The following KDM4C variants were observed in gnomAD, a reference collection of about 807,000 sequenced individuals.
KDM4C encodes lysine-specific demethylase 4C.
KDM4C carries 81 observed loss-of-function variants against 129.3 expected under a neutral mutation model. The ratio of observed to expected loss-of-function variants is 0.63; its 90% confidence interval spans 0.52 to 0.75. The LOEUF is 0.75. Ranked by LOEUF, KDM4C falls within the 30% of genes least tolerant of loss-of-function variation. The pLI, the probability that KDM4C is intolerant of heterozygous loss-of-function variation, is 0.00. For synonymous variants in KDM4C, 573 were observed against 456.1 expected, an observed-to-expected ratio of 1.26 and a Z score of -3.26; for missense variants, 1,457 against 1,304.0, an observed-to-expected ratio of 1.12 and a Z score of -1.81.
chr9:6,757,269 G>A (rs964204510), upstream of KDM4C, among the ~76,000 whole-genome samples: 5 of 152,156 alleles, frequency 3.3e-5, no homozygotes, highest in African/African-American at 1.2e-4. Context: ...TAGTTTCTGA[G>A]GGACCGCCAG....
At chr9:6,908,530 C>T (rs918629977) in intron 8 of KDM4C, among the ~76,000 whole-genome samples, 1 of 152,098 alleles carries the variant, frequency 6.6e-6, no homozygotes, top group Non-Finnish European at 1.5e-5. Context: ...AAGGACCCCA[C>T]CTGGCCCAAC....
chr9:6,854,551 A>AAAAAG, intron 5 of KDM4C, among the ~76,000 whole-genome samples: 1 of 149,516 alleles, frequency 6.7e-6, no homozygotes, highest in South Asian at 2.1e-4. Flanking sequence ...AAAAACAAAA[A>AAAAAG]AAAAACTAAC....
upstream of KDM4C, among the ~76,000 whole-genome samples, chr9:6,757,072 C>G (rs188007553): frequency 6.6e-6 from 1 of 152,168 alleles, no homozygotes; most frequent in African/African-American, 2.4e-5. Flanking sequence ...TGCAAAACAT[C>G]TGATGCTCAA....
At chr9:6,801,249 T>C (rs1033212376) in intron 2 of KDM4C, among the ~76,000 whole-genome samples, 10 of 120,988 alleles carry the variant, frequency 8.3e-5, no homozygotes, top group Non-Finnish European at 1.4e-4. Flanking sequence ...ATTTTTTTTT[T>C]TTTTTTTTTT....
At chr9:7,004,194 A>T (rs1305705919) in intron 12 of KDM4C, among the ~76,000 whole-genome samples, 3 of 152,232 alleles carry the variant, frequency 2.0e-5, no homozygotes, top group Admixed American at 2.0e-4. Flanking sequence ...AATGGCCTGA[A>T]TAATTTTCCT....
intron 5 of KDM4C, among the ~76,000 whole-genome samples, chr9:6,861,010 G>T (rs769946529): frequency 1.3e-5 from 2 of 152,140 alleles, no homozygotes; most frequent in Admixed American, 1.3e-4. Flanking sequence ...TTAAGTTATT[G>T]TAAAAGCATT....
chr9:7,037,360 T>G (rs1270704653), intron 15 of KDM4C, among the ~76,000 whole-genome samples: 1 of 152,190 alleles, frequency 6.6e-6, no homozygotes, highest in African/African-American at 2.4e-5. Flanking sequence ...TTTCTTTAAC[T>G]GATGTTTTAT....
chr9:7,094,786 A>G (rs1050411816), intron 17 of KDM4C, among the ~76,000 whole-genome samples: 1 of 152,178 alleles, frequency 6.6e-6, no homozygotes, highest in Non-Finnish European at 1.5e-5. Flanking sequence ...GTGTGTGGGT[A>G]TTTCAACTCA....
chr9:6,871,420 A>G (rs2130659631), intron 5 of KDM4C, among the ~76,000 whole-genome samples: 1 of 152,326 alleles, frequency 6.6e-6, no homozygotes, highest in African/African-American at 2.4e-5. Flanking sequence ...TAAATCTTAA[A>G]AAAAATTTAT....
intron 15 of KDM4C, among the ~76,000 whole-genome samples, chr9:7,046,002 C>T (rs1829334623): frequency 6.6e-6 from 1 of 151,954 alleles, no homozygotes; most frequent in African/African-American, 2.4e-5. Flanking sequence ...GAAAAAACTC[C>T]AAATAACTTC....
chr9:6,913,562 C>T (rs1458214445), intron 8 of KDM4C, among the ~76,000 whole-genome samples: 1 of 152,194 alleles, frequency 6.6e-6, no homozygotes, highest in Non-Finnish European at 1.5e-5. Flanking sequence ...TATACCTCTT[C>T]TCTGAAGGGT....
chr9:6,755,754 A>T (rs981024462), upstream of KDM4C, among the ~76,000 whole-genome samples: 3 of 152,186 alleles, frequency 2.0e-5, no homozygotes, highest in African/African-American at 7.2e-5. Context: ...TGTTTTCACG[A>T]TAATTCATAA....
At chr9:7,028,797 A>G (rs1041692357) in intron 15 of KDM4C, among the ~76,000 whole-genome samples, 1 of 152,164 alleles carries the variant, frequency 6.6e-6, no homozygotes, top group Admixed American at 6.5e-5. Flanking sequence ...CTCTGTGGGC[A>G]GGCGCCAGGT....
chr9:7,140,089 G>T (rs962765069), intron 19 of KDM4C, among the ~76,000 whole-genome samples: 6 of 152,152 alleles, frequency 3.9e-5, no homozygotes, highest in Non-Finnish European at 7.4e-5. Context: ...ATCTTATCCA[G>T]AAGCTGCTGC....
intron 15 of KDM4C, among the ~76,000 whole-genome samples, chr9:7,017,514 A>G (rs1199727068): frequency 6.6e-6 from 1 of 152,186 alleles, no homozygotes; most frequent in Non-Finnish European, 1.5e-5. Flanking sequence ...ATAAAAGTTT[A>G]GCTTACTTCA....
At chr9:7,074,942 C>G (rs1833721379) in intron 17 of KDM4C, among the ~76,000 whole-genome samples, 1 of 152,134 alleles carries the variant, frequency 6.6e-6, no homozygotes, top group African/African-American at 2.4e-5. Context: ...GGATGTCTGA[C>G]AAGATCTCCT....
chr9:7,164,591 C>T (rs1013869239), intron 19 of KDM4C, among the ~76,000 whole-genome samples: 2 of 152,172 alleles, frequency 1.3e-5, no homozygotes, highest in East Asian at 3.9e-4. Context: ...AGGACACACC[C>T]ACCCAGCTCC....
intron 3 of KDM4C, 68 bp downstream of exon 3, chr9:6,805,842 T>A: frequency 7.2e-7 from 1 of 1,388,562 alleles, no homozygotes; most frequent in Non-Finnish European, 9.8e-7. Flanking sequence ...AGAAACAAAG[T>A]AGACAGAGGA....
chr9:6,875,085 C>T (rs60286758), intron 5 of KDM4C, among the ~76,000 whole-genome samples: 32,446 of 152,092 alleles, frequency 0.21, 4,173 homozygotes, highest in Middle Eastern at 0.38. Context: ...CTGACATAGC[C>T]TTCCTTCCCA....
Sources: allele counts gnomAD v4.1 joint callset (sites outside exome capture counted in the v4.1 genomes callset), GRCh38; gene constraint gnomAD v4.1.1; transcripts MANE v1.5; gene names NCBI Gene and HGNC (gene_info 2026-07-23, HGNC 2026-07-21).